The following WIZ variants were observed in gnomAD, a reference collection of about 807,000 sequenced individuals.
The protein encoded by WIZ is WIZ zinc finger.
WIZ carries 25 observed loss-of-function variants against 140.2 expected under a neutral mutation model. The observed-to-expected ratio is 0.18, with a 90% confidence interval of 0.13 to 0.25. The LOEUF (loss-of-function observed/expected upper bound fraction) is 0.25. WIZ is among the 10% of genes least tolerant of loss of function. The pLI is 1.00. For missense variants in WIZ, 2,231 were observed against 2,632.6 expected (o/e 0.85, Z 3.34); for synonymous variants, 1,125 against 1,154.3 (o/e 0.97, Z 0.51).
At chr19:15,448,972 C>T (rs911256302) in intron 1 of WIZ, among the ~76,000 whole-genome samples, 3 of 151,952 alleles carry the variant, frequency 2.0e-5, no homozygotes, top group Admixed American at 6.6e-5. Context: ...CACACACAGC[C>T]TCAAGTGACC....
intron 2 of WIZ, among the ~76,000 whole-genome samples, chr19:15,444,937 C>T (rs999873633): frequency 2.0e-5 from 3 of 152,174 alleles, no homozygotes; most frequent in Admixed American, 6.5e-5. Flanking sequence ...CAGGGGACCG[C>T]GTGGCCTCTT....
chr19:15,427,553 G>T lies in WIZ; in HGVS notation c.3815-20C>A. ...CTGAGGCTGCAGCAGGAGGAGAAAG[G>T]GGCAGTTAGCATCGTGGAACTGCCA... On this transcript the variant is annotated intron_variant, in intron 8 of 12. Coordinates refer to ENST00000673675, the MANE Select transcript of WIZ (RefSeq NM_001371589.1). The surrounding 1 kb of genome is among the most constrained non-coding windows in gnomAD (Gnocchi z 6.4). The T allele has an allele frequency of 6.3e-7, 1 of 1,593,440 alleles. No homozygotes were observed.
chr19:15,424,400 G>C lies in WIZ; in HGVS notation c.5315-22C>G. 6.3e-7 allele frequency: 1 copy of C among 1,596,786 alleles called. No individual in the cohort carries two copies. The highest frequency in any genetic ancestry group is 8.5e-7 in the Non-Finnish European group (1 of 1,175,354). On this transcript the variant is annotated intron_variant, in intron 11 of 12. Transcript: ENST00000673675. The surrounding 1 kb of genome is among the most constrained non-coding windows in gnomAD (Gnocchi z 9.7). ...AATTCTAAGGTGGAGAGGGGGACGG[G>C]AGATGAGTGGGAGGGGTGGATGCTG...
chr19:15,429,796 T>C lies in WIZ; in HGVS notation c.3205A>G (p.Lys1069Glu). 6.6e-7 allele frequency: 1 copy of C among 1,522,000 alleles called. No homozygotes were observed. Among genetic ancestry groups the C allele is most frequent in the Non-Finnish European group, 8.8e-7 (1 of 1,137,764 alleles). The allele number at this position is 1,522,000 out of a possible 1,614,324, so 94.3% of individuals were successfully genotyped here. A position where few individuals can be genotyped will look rare whatever the true frequency, so the allele number is the denominator to read the frequency against. ...AKPLDAPAVNKAIKSPPGFSA... is the reference protein window; with the variant it reads ...AKPLDAPAVNEAIKSPPGFSA... Reference sequence around the variant, plus strand: ...AAGCCGGGAGGCGACTTGATGGCTTTGTTGACAGCAGGGGCATCCAAGGGC... The same window carrying C: ...AAGCCGGGAGGCGACTTGATGGCTTCGTTGACAGCAGGGGCATCCAAGGGC... The change falls in exon 7 of 13, where the codon AAA becomes GAA. Residue 1069 changes from lysine (K) to glutamate (E), a missense_variant. Coordinates refer to ENST00000673675, the MANE Select transcript of WIZ (RefSeq NM_001371589.1).
chr19:15,448,377 G>T lies in WIZ; in HGVS notation c.-60-10C>A. 5 of 1,578,430 alleles carry T rather than the reference G, an allele frequency of 3.2e-6. No individual in the cohort carries two copies. Among genetic ancestry groups the T allele is most frequent in the Non-Finnish European group, 4.3e-6 (5 of 1,164,116 alleles). On this transcript the variant is annotated splice_polypyrimidine_tract_variant and intron_variant, in intron 1 of 12. Coordinates refer to ENST00000673675, the MANE Select transcript of WIZ (RefSeq NM_001371589.1). ...GCGGGGCATTGTGGGCCTGGGGATA[G>T]AGAGAAGGAAGTGCTTAGGGGATGG...
rs1288038569 is a variant in WIZ at position 15,425,912 on chromosome 19, G to A, written c.4367-144C>T. 7.7e-4 allele frequency: 460 copies of A among 594,396 alleles called. 3 individuals carry two copies. Among genetic ancestry groups the A allele is most frequent in the South Asian group, 1.6e-3 (82 of 50,658 alleles). The allele number at this position is 594,396 out of a possible 1,614,324, so 36.8% of individuals were successfully genotyped here. A position where few individuals can be genotyped will look rare whatever the true frequency, so the allele number is the denominator to read the frequency against. On this transcript the variant is annotated intron_variant, in intron 9 of 12. Coordinates refer to ENST00000673675, the MANE Select transcript of WIZ (RefSeq NM_001371589.1). ...GGAGGAGGAGGAGGAGGAGGAGGAG[G>A]AGAAGGAGGCGGCGGCTGCGGGCAG...
chr19:15,426,223 G>A (rs938149247), intron 9 of WIZ, among the ~76,000 whole-genome samples: 1 of 152,058 alleles, frequency 6.6e-6, no homozygotes, highest in Non-Finnish European at 1.5e-5. Context: ...GGTCTAAAAT[G>A]GGAACAGCTC....
At chr19:15,444,825 G>T (rs764939501) in intron 2 of WIZ, among the ~76,000 whole-genome samples, 63 of 152,208 alleles carry the variant, frequency 4.1e-4, no homozygotes, top group Admixed American at 2.0e-3. Context: ...TGAGGGTCCC[G>T]GGCATCCTGC....
rs1255023011 is a variant in WIZ, at chr19:15,428,265, G to A, written c.3659C>T (p.Ala1220Val). 9.8e-6 allele frequency: 15 copies of A among 1,527,956 alleles called. No individual in the cohort carries two copies. The highest frequency in any genetic ancestry group is 4.1e-5 in the African/African-American group (3 of 72,666). The allele number at this position is 1,527,956 out of a possible 1,614,324, so 94.6% of individuals were successfully genotyped here. ...AHPGRPPPTS[A>V]ALSLLPPPPP... ...TGGGGGGGGAAGCAAGGAGAGGGCC[G>A]CGGAGGTGGGAGGCGGCCGCCCCGG... Residue 1220 changes from alanine to valine, a missense_variant, in exon 8 of 13, where the codon GCG becomes GTG. Coordinates refer to ENST00000673675, the MANE Select transcript of WIZ (RefSeq NM_001371589.1). This position sits in a 1 kb window ranked among gnomAD's most constrained non-coding sequence, Gnocchi z 6.4.
intron 5 of WIZ, chr19:15,432,543 G>A (rs1157110919): frequency 4.4e-6 from 3 of 686,528 alleles, no homozygotes; most frequent in Non-Finnish European, 5.4e-6. Flanking sequence ...GCGGGGGTGG[G>A]GGCGGCGGCG....
chr19:15,432,076 G>T (rs936526068), intron 5 of WIZ, among the ~76,000 whole-genome samples: 1 of 152,288 alleles, frequency 6.6e-6, no homozygotes, highest in East Asian at 1.9e-4. Flanking sequence ...TGAGGACTGG[G>T]GCACCGAGGA....
chr19:15,424,967 C>A lies in WIZ; in HGVS notation c.4960G>T (p.Ala1654Ser), dbSNP rs1200883864. 2.5e-6 allele frequency: 4 copies of A among 1,606,346 alleles called. No individual in the cohort carries two copies. Among genetic ancestry groups the A allele is most frequent in the Non-Finnish European group, 3.4e-6 (4 of 1,177,428 alleles). ...FENRKALASH[A>S]RAHLRQFGVT... ...CCGAACTGCCGCAGGTGTGCCCGTGCGTGGCTGGCCAGGGCCTTGCGGTTT... is the reference window on the plus strand; with the variant it reads ...CCGAACTGCCGCAGGTGTGCCCGTGAGTGGCTGGCCAGGGCCTTGCGGTTT... The change falls in exon 11 of 13, where the codon GCA (alanine) becomes TCA (serine). Residue 1654 changes from alanine (A) to serine (S), a missense_variant. Around this residue, in one of 15 missense-constraint regions of WIZ, gnomAD observed 18 missense variants for 61.4 expected, o/e 0.29. Transcript: ENST00000673675. The surrounding 1 kb of genome is among the most constrained non-coding windows in gnomAD (Gnocchi z 9.7).
rs1248243492 is a variant in WIZ at position 15,442,864 on chromosome 19, C to T, written c.206-116G>A. The T allele has an allele frequency of 1.8e-6, 1 of 547,472 alleles. No homozygotes were observed. The highest frequency in any genetic ancestry group is 3.5e-5 in the East Asian group (1 of 28,662). The allele number at this position is 547,472 out of a possible 1,614,324, so 33.9% of individuals were successfully genotyped here. A position where few individuals can be genotyped will look rare whatever the true frequency, so the allele number is the denominator to read the frequency against. On this transcript the variant is annotated intron_variant, in intron 2 of 12. Coordinates refer to ENST00000673675, the MANE Select transcript of WIZ (RefSeq NM_001371589.1). This position sits in a 1 kb window ranked among gnomAD's most constrained non-coding sequence, Gnocchi z 5.5. ...AGAAAGGCCCTGCTGGCTCCCAGTT[C>T]CTCTCCCTGAGAGGCCCGTGGCCTC...
chr19:15,434,190 G>A (rs1254241641), intron 5 of WIZ, among the ~76,000 whole-genome samples: 15 of 151,458 alleles, frequency 9.9e-5, no homozygotes, highest in African/African-American at 3.6e-4. Context: ...CCCGGGAGGC[G>A]GAGGTTGCAG....
chr19:15,436,872 G>C lies in WIZ; in HGVS notation c.2674C>G (p.Arg892Gly), dbSNP rs766856285. The C allele has an allele frequency of 5.6e-6, 9 of 1,612,668 alleles. No homozygotes were observed. The highest frequency in any genetic ancestry group is 1.1e-5 in the South Asian group (1 of 90,992). ...PGSFLTSRRP[R>G]LPLTVPFPPT... ...GGAAAGGGCACCGTGAGAGGTAAGC[G>C]GGGCCGACGGGAGGTCAGGAAGCTG... The change falls in exon 5 of 13, where the codon CGC (arginine) becomes GGC (glycine). Residue 892 changes from arginine (R) to glycine (G), a missense_variant. Transcript: ENST00000673675.
chr19:15,434,065 G>C (rs1430504145), intron 5 of WIZ, among the ~76,000 whole-genome samples: 1 of 151,988 alleles, frequency 6.6e-6, no homozygotes, highest in African/African-American at 2.4e-5. Flanking sequence ...GACCAGCCTG[G>C]ACAACATGGT....
rs1201723438 is a variant in WIZ, at chr19:15,440,124, C to G, written c.870G>C (p.Leu290=). Residue 290 remains leucine, a synonymous_variant, in exon 4 of 13, where the codon CTG becomes CTC. Transcript: ENST00000673675. This position sits in a 1 kb window ranked among gnomAD's most constrained non-coding sequence, Gnocchi z 6.2. ...LLPPIRTGPY[L]CELLEEVAEG... is the part of the protein sequence containing the mutation. ...CGGCCACCTCCTCCAGCAGCTCACA[C>G]AGGTAGGGCCCGGTCCGGATCGGGG... 72 of 1,533,108 alleles carry G rather than the reference C, an allele frequency of 4.7e-5. No individual in the cohort carries two copies. Among genetic ancestry groups the G allele is most frequent in the Middle Eastern group, 1.7e-4 (1 of 5,988 alleles). The allele number at this position is 1,533,108 out of a possible 1,614,324, so 95.0% of individuals were successfully genotyped here.
intron 5 of WIZ, among the ~76,000 whole-genome samples, chr19:15,432,203 G>A (rs1265121558): frequency 1.1e-4 from 16 of 151,964 alleles, no homozygotes; most frequent in African/African-American, 3.9e-4. Context: ...GGCTCCAAAG[G>A]GGGCAAGGGA....
chr19:15,423,104 G>C lies in WIZ; in HGVS notation c.5642C>G (p.Ala1881Gly). 1.2e-6 allele frequency: 2 copies of C among 1,612,222 alleles called. No individual in the cohort carries two copies. Among genetic ancestry groups the C allele is most frequent in the South Asian group, 1.1e-5 (1 of 90,998 alleles). ...GGGAGCCTCTGCCGCCGCTGTCTGT[G>C]CCTGCGGGGCCTGGGACTCCTCAGG... ...PPPEESQAPQ[A>G]QTAAAEAP The change falls in exon 13 of 13, where the codon GCA (alanine) becomes GGA (glycine). Residue 1881 changes from alanine (A) to glycine (G), a missense_variant. Coordinates refer to ENST00000673675, the MANE Select transcript of WIZ (RefSeq NM_001371589.1).
Sources: allele counts gnomAD v4.1 joint callset (sites outside exome capture counted in the v4.1 genomes callset), GRCh38; gene constraint gnomAD v4.1.1; regional missense constraint gnomAD v4.1.1; non-coding constraint Gnocchi (gnomAD v3.1); transcripts MANE v1.5; gene names NCBI Gene and HGNC (gene_info 2026-07-23, HGNC 2026-07-21).